GRM7: variants seen among roughly 807,000 people sequenced by gnomAD.
GRM7 encodes the protein glutamate metabotropic receptor 7, also known as metabotropic glutamate receptor 7.
GRM7 carries 35 observed loss-of-function variants against 84.5 expected under a neutral mutation model. The ratio of observed to expected loss-of-function variants is 0.41; its 90% CI spans 0.32 to 0.55. GRM7 has a LOEUF of 0.55. Among genes scored for constraint, GRM7 ranks in the 20% least tolerant of loss-of-function variants. The pLI, the probability that GRM7 is intolerant of heterozygous loss-of-function variation, is 0.19. For synonymous variants in GRM7, 487 were observed against 455.1 expected (o/e 1.07, Z -0.89); for missense variants, 1,003 against 1,194.6 (o/e 0.84, Z 2.36).
chr3:7,576,364 A>G (rs1190584029), intron 7 of GRM7, among the ~76,000 whole-genome samples: 2 of 152,216 alleles, frequency 1.3e-5, no homozygotes, highest in African/African-American at 2.4e-5. Context: ...GCTTAGGCAA[A>G]TAAGAGTCAT....
In GRM7 at chr3:6,971,190, A is replaced by G. The variant is rs1483390400; in HGVS notation, c.519+109283A>G. Among the ~76,000 whole-genome samples the G allele has an allele frequency of 2.0e-5, 3 of 152,098 alleles. No individual in the cohort carries two copies. In the East Asian group the frequency reaches 5.8e-4, roughly 29 times the overall value. Reference sequence around the variant, plus strand: ...TGATTCCACAAAAAAAAAAAAATTAAAAATAACAACAAAGCACTTTGCTAA... The same window carrying G: ...TGATTCCACAAAAAAAAAAAAATTAGAAATAACAACAAAGCACTTTGCTAA... On this transcript the variant is annotated intron_variant, in intron 1 of 9. Coordinates refer to ENST00000357716, the MANE Select transcript of GRM7 (RefSeq NM_000844.4).
At chr3:7,243,138 G>T (rs1697623589) in intron 2 of GRM7, among the ~76,000 whole-genome samples, 1 of 152,082 alleles carries the variant, frequency 6.6e-6, no homozygotes. Context: ...CAGCTGAACA[G>T]CCGAAGGGCT....
intron 8 of GRM7, among the ~76,000 whole-genome samples, chr3:7,625,672 A>G (rs1359178383): frequency 6.6e-6 from 1 of 152,168 alleles, no homozygotes; most frequent in Non-Finnish European, 1.5e-5. Flanking sequence ...TGCCTCTAAG[A>G]TAAGTAAATT....
chr3:6,980,003 C>T lies in GRM7; in HGVS notation c.519+118096C>T, dbSNP rs189807599. Among the ~76,000 whole-genome samples the T allele has an allele frequency of 5.9e-5, 9 of 152,034 alleles. No homozygotes were observed. In the East Asian group the frequency reaches 1.7e-3, roughly 29 times the overall value. ...AATTGCTAATTCTTGTTGAAAAATC[C>T]CCAAATCTCAACTGGAATTTTTTTT... On this transcript the variant is annotated intron_variant, in intron 1 of 9. Transcript: ENST00000357716.
At chr3:6,949,446 T>C (rs7614072) in intron 1 of GRM7, among the ~76,000 whole-genome samples, 35,094 of 151,914 alleles carry the variant, frequency 0.23, 4,209 homozygotes, top group Non-Finnish European at 0.26. Flanking sequence ...GATGGGCTTC[T>C]CTTTGTGGGT....
intron 8 of GRM7, among the ~76,000 whole-genome samples, chr3:7,600,301 A>G (rs1385585032): frequency 2.0e-5 from 3 of 152,174 alleles, no homozygotes; most frequent in Admixed American, 6.6e-5. Flanking sequence ...TTTATCACAG[A>G]GAAATGTGGA....
chr3:6,870,906 G>A (rs1049727517), intron 1 of GRM7, among the ~76,000 whole-genome samples: 1 of 152,110 alleles, frequency 6.6e-6, no homozygotes, highest in East Asian at 1.9e-4. Flanking sequence ...GAGACAGAAG[G>A]TTCCAGAAGT....
intron 8 of GRM7, among the ~76,000 whole-genome samples, chr3:7,669,331 T>C (rs921289630): frequency 1.3e-5 from 2 of 152,052 alleles, no homozygotes; most frequent in Non-Finnish European, 2.9e-5. Context: ...AGGAGGTAGC[T>C]AGGTAAAGAT....
intron 4 of GRM7, among the ~76,000 whole-genome samples, chr3:7,393,573 C>T (rs1335166320): frequency 6.6e-6 from 1 of 152,136 alleles, no homozygotes; most frequent in Admixed American, 6.5e-5. Flanking sequence ...AGGATTCTCT[C>T]CTATACAATG....
At chr3:7,459,651 A>C (rs1411590041) in intron 6 of GRM7, among the ~76,000 whole-genome samples, 1 of 152,082 alleles carries the variant, frequency 6.6e-6, no homozygotes, top group Non-Finnish European at 1.5e-5. Context: ...TACCACAAGA[A>C]CAGTATGGGG....
At chr3:6,875,748 G>C (rs2124951214) in intron 1 of GRM7, among the ~76,000 whole-genome samples, 1 of 152,298 alleles carries the variant, frequency 6.6e-6, no homozygotes, top group African/African-American at 2.4e-5. Flanking sequence ...GATCATGCCA[G>C]GGGTGAAGTA....
At chr3:7,421,853 T>C (rs766729567) in intron 5 of GRM7, among the ~76,000 whole-genome samples, 1 of 149,514 alleles carries the variant, frequency 6.7e-6, no homozygotes, top group African/African-American at 2.5e-5. Flanking sequence ...TTTTTAATAC[T>C]GTATTTTTAA....
rs777868778 is a variant in GRM7, at chr3:7,298,738, C to A, written c.791C>A (p.Thr264Asn). 6.2e-7 allele frequency: 1 copy of A among 1,612,728 alleles called. No homozygotes were observed. The highest frequency in any genetic ancestry group is 1.3e-5 in the African/African-American group (1 of 74,990). The change falls in exon 3 of 10, where the codon ACC becomes AAC. Residue 264 changes from threonine to asparagine, a missense_variant. Thr to Asn is a moderately conservative substitution (Grantham distance 65). Coordinates refer to ENST00000357716, the MANE Select transcript of GRM7 (RefSeq NM_000844.4). ...ATCCCCCAGGAACGCAAAGACAGGA[C>A]CATTGACTTTGATAGAATTATCAAA... ...VRIPQERKDR[T>N]IDFDRIIKQL... is the part of the protein sequence containing the mutation.
At chr3:7,172,626 G>A (rs1306576835) in intron 2 of GRM7, among the ~76,000 whole-genome samples, 1 of 141,124 alleles carries the variant, frequency 7.1e-6, no homozygotes, top group Non-Finnish European at 1.5e-5. Context: ...GGTGTCAATG[G>A]CTATAAACTT....
intron 8 of GRM7, among the ~76,000 whole-genome samples, chr3:7,625,079 A>G (rs1697543632): frequency 6.6e-6 from 1 of 152,176 alleles, no homozygotes; most frequent in Admixed American, 6.5e-5. Context: ...ACCTCCAGGA[A>G]AATGCAGAGG....
intron 4 of GRM7, among the ~76,000 whole-genome samples, chr3:7,362,637 G>A (rs534277789): frequency 6.6e-6 from 1 of 152,124 alleles, no homozygotes; most frequent in African/African-American, 2.4e-5. Context: ...CTCTTTAGCT[G>A]TACGATTCAT....
chr3:6,995,582 A>G (rs1694799503), intron 1 of GRM7, among the ~76,000 whole-genome samples: 2 of 152,198 alleles, frequency 1.3e-5, no homozygotes, highest in African/African-American at 4.8e-5. Flanking sequence ...AATATTTGTT[A>G]AAATAGGACC....
At chr3:7,385,799 C>A (rs1312693664) in intron 4 of GRM7, among the ~76,000 whole-genome samples, 1 of 152,080 alleles carries the variant, frequency 6.6e-6, no homozygotes, top group Non-Finnish European at 1.5e-5. Flanking sequence ...TTGGCAGAAG[C>A]CAAATATTAA....
At chr3:6,870,647 A>G in intron 1 of GRM7, among the ~76,000 whole-genome samples, 1 of 152,176 alleles carries the variant, frequency 6.6e-6, no homozygotes, top group East Asian at 1.9e-4. Context: ...ATCTGGGAGA[A>G]CAGAGAAGAG....
Sources: gnomAD v4.1 joint callset for allele counts (sites outside exome capture counted in the v4.1 genomes callset) on GRCh38, gnomAD v4.1.1 for gene constraint, MANE v1.5 for transcripts, NCBI Gene and HGNC (gene_info 2026-07-23, HGNC 2026-07-21) for gene names.